Variants in RC3H2 observed in about 807,000 individuals in gnomAD.
RC3H2 encodes roquin-2.
A neutral mutation model predicts 133.3 loss-of-function variants in RC3H2; 31 were observed. The observed-to-expected ratio is 0.23, with a 90% confidence interval of 0.17 to 0.31. The LOEUF (loss-of-function observed/expected upper bound fraction) is 0.31. Among genes scored for constraint, RC3H2 ranks in the 10% least tolerant of loss-of-function variants. The pLI is 1.00. For missense variants in RC3H2, 1,175 were observed against 1,437.2 expected, an observed-to-expected ratio of 0.82 and a Z score of 2.95; for synonymous variants, 517 against 502.2, an observed-to-expected ratio of 1.03 and a Z score of -0.40.
intron 12 of RC3H2, 42 bp from the exon 13 acceptor site, chr9:122,858,135 T>C (rs746929377): frequency 1.9e-6 from 3 of 1,563,734 alleles, no homozygotes; most frequent in Non-Finnish European, 2.6e-6. Context: ...ATCTAGGGAG[T>C]GGTGAATAAA....
At chr9:122,874,887 A>C in intron 9 of RC3H2, 46 of 268,684 alleles carry the variant, frequency 1.7e-4, no homozygotes, top group East Asian at 6.5e-4. Flanking sequence ...TGAACTAGGT[A>C]CTGCAGATGA....
intron 15 of RC3H2, among the ~76,000 whole-genome samples, 155 bp downstream of exon 15, chr9:122,855,029 C>T (rs1046221532): frequency 6.6e-6 from 1 of 151,250 alleles, no homozygotes; most frequent in African/African-American, 2.4e-5. Flanking sequence ...GCAGGAGAAT[C>T]GCTTGAACCC....
chr9:122,877,160 A>G (rs1831377406), intron 9 of RC3H2, among the ~76,000 whole-genome samples: 1 of 152,096 alleles, frequency 6.6e-6, no homozygotes. Flanking sequence ...GCCTTGACCT[A>G]TGGGGTTCAA....
Position 122,858,060 on chromosome 9 carries a change from C to T in RC3H2, c.2317G>A (p.Glu773Lys). The T allele has an allele frequency of 6.2e-7, 1 of 1,614,178 alleles. No homozygotes were observed. The highest frequency in any genetic ancestry group is 8.5e-7 in the Non-Finnish European group (1 of 1,180,028). The part of the protein sequence containing the change: ...PCGHLKTSCE[E>K]QIRRKPDQWA... ...TGATCTGGCTTTCTTCTTATCTGCT[C>T]CTCGCAACTGGTCTTCAAATGACCA... Residue 773 changes from glutamate to lysine, a missense_variant, in exon 13 of 21, where the codon GAG becomes AAG. Around this residue, in one of 8 missense-constraint regions of RC3H2, gnomAD observed 490 missense variants for 492.8 expected, o/e 0.99. Coordinates refer to ENST00000357244, the MANE Select transcript of RC3H2 (RefSeq NM_001100588.3).
intron 1 of RC3H2, among the ~76,000 whole-genome samples, chr9:122,899,897 T>C (rs1041705171): frequency 1.3e-5 from 2 of 152,238 alleles, no homozygotes; most frequent in Non-Finnish European, 2.9e-5. Flanking sequence ...ACAGGCCACC[T>C]GGTAGTACAA....
At chr9:122,888,239 GTGT>G (rs1336672805) in intron 4 of RC3H2, among the ~76,000 whole-genome samples, 16 of 152,130 alleles carry the variant, frequency 1.1e-4, no homozygotes, top group African/African-American at 3.6e-4. Context: ...TCAAAACACT[GTGT>G]TCTAAAGTAA....
intron 2 of RC3H2, among the ~76,000 whole-genome samples, chr9:122,893,767 T>C (rs2793003): frequency 0.71 from 108,385 of 151,982 alleles, 41,107 homozygotes; most frequent in Middle Eastern, 0.86. Flanking sequence ...AAAGCACTTA[T>C]CACCTTTTTA....
chr9:122,853,748 A>G, intron 18 of RC3H2: 1 of 1,388,960 alleles, frequency 7.2e-7, no homozygotes, highest in African/African-American at 1.5e-5. Flanking sequence ...TTCCATCTCA[A>G]AAAAACAAAA....
chr9:122,896,114 A>G (rs1383100392), intron 2 of RC3H2, among the ~76,000 whole-genome samples: 1 of 54,184 alleles, frequency 1.8e-5, no homozygotes, highest in East Asian at 5.7e-4. Flanking sequence ...ACAATAGCTG[A>G]TGAGTTAAAA....
chr9:122,867,476 C>A, intron 9 of RC3H2, among the ~76,000 whole-genome samples: 1 of 148,192 alleles, frequency 6.7e-6, no homozygotes, highest in South Asian at 2.1e-4. Flanking sequence ...AGCCCCCCGC[C>A]CGGCCAGCCG....
At chr9:122,861,256 C>T (rs958460064) in intron 10 of RC3H2, among the ~76,000 whole-genome samples, 1 of 151,942 alleles carries the variant, frequency 6.6e-6, no homozygotes, top group Non-Finnish European at 1.5e-5. Flanking sequence ...TTTGGGAGGC[C>T]GAGGCAGGCA....
rs556602950 is a variant in RC3H2 at position 122,848,053 on chromosome 9, T to A, written c.*1574A>T. 6.6e-6 allele frequency: 1 copy of A among 152,260 alleles called. No homozygotes were observed. Among genetic ancestry groups the A allele is most frequent in the African/African-American group, 2.4e-5 (1 of 41,552 alleles). 9.4% of individuals were successfully genotyped at this position (152,260 alleles called of 1,614,324 possible). A position where few individuals can be genotyped will look rare whatever the true frequency, so the allele number is the denominator to read the frequency against. The stretch of plus-strand genomic sequence containing the variant: ...CTGGAAATGTGCACAAAACTTTTTA[T>A]CAAAATCTTATCTGATACAATGCTG... On this transcript the variant is annotated 3_prime_UTR_variant, in exon 21 of 21. Coordinates refer to ENST00000357244, the MANE Select transcript of RC3H2 (RefSeq NM_001100588.3).
At chr9:122,870,470 A>G (rs1171838549) in intron 9 of RC3H2, among the ~76,000 whole-genome samples, 1 of 152,212 alleles carries the variant, frequency 6.6e-6, no homozygotes, top group Non-Finnish European at 1.5e-5. Flanking sequence ...AGCAAAAAAT[A>G]AAGTTTTAAC....
chr9:122,853,607 C>A, intron 18 of RC3H2: 2 of 387,696 alleles, frequency 5.2e-6, no homozygotes, highest in South Asian at 5.2e-5. Context: ...CAAAAATTAG[C>A]TGGGCATGGT....
chr9:122,872,273 G>C (rs1831133737), intron 9 of RC3H2, among the ~76,000 whole-genome samples: 1 of 152,098 alleles, frequency 6.6e-6, no homozygotes, highest in Non-Finnish European at 1.5e-5. Context: ...CATGTTGTCA[G>C]CTCTACTTCC....
chr9:122,865,324 G>C, intron 10 of RC3H2, 25 bp downstream of exon 10: 2 of 1,556,094 alleles, frequency 1.3e-6, no homozygotes, highest in African/African-American at 1.4e-5. Flanking sequence ...AGAATTTCCA[G>C]TAATCATTTT....
Position 122,887,967 on chromosome 9 carries a change from A to C in RC3H2, c.583+2345T>G, listed in dbSNP as rs147893307. ...GCCATGTTGGCCAGGTTAGTCTTGAACTCCTGACCTCAGGTGATCCACCCG... is the reference window on the plus strand; with the variant it reads ...GCCATGTTGGCCAGGTTAGTCTTGACCTCCTGACCTCAGGTGATCCACCCG... On this transcript the variant is annotated intron_variant, in intron 4 of 20. Coordinates refer to ENST00000357244, the MANE Select transcript of RC3H2 (RefSeq NM_001100588.3). Among the ~76,000 whole-genome samples the C allele has an allele frequency of 4.3e-3, 654 of 150,486 alleles. 8 individuals are homozygous for C. Among genetic ancestry groups the C allele is most frequent in the Non-Finnish European group, 4.7e-3 (315 of 67,594 alleles).
intron 1 of RC3H2, among the ~76,000 whole-genome samples, chr9:122,899,502 T>C (rs1011590280): frequency 1.3e-5 from 2 of 152,230 alleles, no homozygotes; most frequent in Non-Finnish European, 2.9e-5. Context: ...ACAGCTCTAA[T>C]GCAAATTATC....
In RC3H2 at chr9:122,849,698, T is replaced by C. The variant is rs1291991349; in HGVS notation, c.3505A>G (p.Thr1169Ala). The change falls in exon 21 of 21, where the codon ACT becomes GCT. Residue 1169 changes from threonine (T) to alanine (A), a missense_variant. Thr to Ala is a moderately conservative substitution (Grantham distance 58). Around this residue, in one of 8 missense-constraint regions of RC3H2, gnomAD observed 220 missense variants for 201.1 expected, o/e 1.09. Transcript: ENST00000357244. ...SVSAGNLILK[T>A]HVMSEDKNDF... ...TTTTTATCTTCAGACATAACATGAG[T>C]TTTCAGAATGAGGTTGCCAGCACTG... 3.1e-6 allele frequency: 5 copies of C among 1,612,680 alleles called. No homozygotes were observed. The South Asian group carries it at 4.4e-5, about 14-fold the overall frequency.
Sources: allele counts gnomAD v4.1 joint callset (sites outside exome capture counted in the v4.1 genomes callset), GRCh38; gene constraint gnomAD v4.1.1; regional missense constraint gnomAD v4.1.1; transcripts MANE v1.5; gene names NCBI Gene and HGNC (gene_info 2026-07-23, HGNC 2026-07-21).